Variants in CUBN observed in about 807,000 individuals in gnomAD.
CUBN encodes the protein cubilin.
CUBN carries 282 observed loss-of-function variants against 405.3 expected under a neutral mutation model. That is an observed-to-expected ratio of 0.70 (90% CI 0.63 to 0.77). The LOEUF (loss-of-function observed/expected upper bound fraction) is 0.77, where lower values mean the gene tolerates loss of function less well. CUBN is among the 30% of genes least tolerant of loss of function. CUBN has a pLI of 0.00. For missense variants in CUBN, 4,514 were observed against 4,475.2 expected (o/e 1.01, Z -0.25); for synonymous variants, 1,684 against 1,617.0 (o/e 1.04, Z -0.99).
At chr10:16,928,127 A>T in intron 41 of CUBN, 30 bp downstream of exon 41, 1 of 1,608,148 alleles carries the variant, frequency 6.2e-7, no homozygotes, top group Non-Finnish European at 8.5e-7. Context: ...ATGAGATAAC[A>T]TGGGATTAAA....
chr10:17,084,437 T>A lies in CUBN; in HGVS notation c.2135A>T (p.Tyr712Phe), dbSNP rs368341016. The change falls in exon 17 of 67, where the codon TAC becomes TTC. Residue 712 changes from tyrosine to phenylalanine, a missense_variant. Physicochemically the swap from Tyr to Phe is conservative, Grantham distance 22. Transcript: ENST00000377833. Reference protein sequence around the residue: ...SPSDLRCGGNYTDPEGELFLP... With the variant: ...SPSDLRCGGNFTDPEGELFLP... ...GAAGAGTTCACCCTCTGGGTCCGTG[T>A]AGTTCCCACCACAACGCAGATCCGC... The A allele has an allele frequency of 1.1e-5, 18 of 1,613,676 alleles. No individual in the cohort carries two copies. Among genetic ancestry groups the A allele is most frequent in the Non-Finnish European group, 1.4e-5 (17 of 1,179,926 alleles).
rs1002281566 is a variant in CUBN at position 16,955,827 on chromosome 10, C to T, written c.4696-1279G>A. Among the ~76,000 whole-genome samples, 8 of 152,126 alleles carry T rather than the reference C, an allele frequency of 5.3e-5. No homozygotes were observed. The East Asian group carries it at 1.4e-3, about 26-fold the overall frequency. ...ACAATTCCTAAGAGGGAGCAGGTCA[C>T]GTTGAATCAGACCACTAGATTCCAG... On this transcript the variant is annotated intron_variant, in intron 31 of 66. Transcript: ENST00000377833.
intron 28 of CUBN, among the ~76,000 whole-genome samples, chr10:16,995,428 A>G (rs1372568021): frequency 6.6e-6 from 1 of 152,230 alleles, no homozygotes; most frequent in Non-Finnish European, 1.5e-5. Flanking sequence ...GAAACAATCC[A>G]AAGTTTTTAG....
intron 33 of CUBN, among the ~76,000 whole-genome samples, chr10:16,951,805 C>T (rs991359375): frequency 2.6e-5 from 4 of 152,150 alleles, no homozygotes; most frequent in Admixed American, 2.0e-4. Flanking sequence ...TGGATAGGTG[C>T]GCGCATTGCA....
intron 27 of CUBN, among the ~76,000 whole-genome samples, chr10:17,034,661 C>A (rs80106499): frequency 0.011 from 1,655 of 152,186 alleles, 13 homozygotes; most frequent in Non-Finnish European, 0.017. Flanking sequence ...TGGAATGCAG[C>A]CAGATTTGGT....
Position 16,907,668 on chromosome 10 carries a change from G to C in CUBN, c.7545C>G (p.Gly2515=). 1 of 1,612,002 alleles carries C rather than the reference G, an allele frequency of 6.2e-7. No homozygotes were observed. Among genetic ancestry groups the C allele is most frequent in the Non-Finnish European group, 8.5e-7 (1 of 1,179,816 alleles). ...CNNEHVIVFN[G]IRSNSPQLEK... The stretch of plus-strand genomic sequence containing the variant: ...CTAGCTGGGGTGAGTTACTTCTAAT[G>C]CCATTGAATACCTGTTGGAAAAAGA... Residue 2515 remains glycine (G), a synonymous_variant, in exon 49 of 67, where the codon GGC becomes GGG. Coordinates refer to ENST00000377833, the MANE Select transcript of CUBN (RefSeq NM_001081.4).
chr10:16,865,780 G>C (rs1438531983), intron 59 of CUBN, among the ~76,000 whole-genome samples: 1 of 152,110 alleles, frequency 6.6e-6, no homozygotes, highest in Admixed American at 6.5e-5. Context: ...GCCAGCAGCC[G>C]CAACCTGCTC....
At chr10:16,959,880 C>G (rs889437300) in intron 31 of CUBN, among the ~76,000 whole-genome samples, 2 of 152,110 alleles carry the variant, frequency 1.3e-5, no homozygotes, top group South Asian at 4.1e-4. Context: ...AGTCTACTGC[C>G]AAGAGTTTGC....
chr10:16,857,696 G>A (rs1226767514), intron 59 of CUBN, among the ~76,000 whole-genome samples: 1 of 152,154 alleles, frequency 6.6e-6, no homozygotes, highest in Non-Finnish European at 1.5e-5. Flanking sequence ...AAAACCATCT[G>A]CAAAAACCTA....
chr10:16,924,412 G>A (rs1442004370), intron 43 of CUBN, among the ~76,000 whole-genome samples: 2 of 148,138 alleles, frequency 1.4e-5, no homozygotes, highest in Non-Finnish European at 3.0e-5. Context: ...TGTGTCAGTT[G>A]GTGAAGACTC....
At chr10:16,916,626 T>C (rs1841891703) in intron 45 of CUBN, among the ~76,000 whole-genome samples, 1 of 152,186 alleles carries the variant, frequency 6.6e-6, no homozygotes, top group Non-Finnish European at 1.5e-5. Flanking sequence ...TAGTTAAACA[T>C]TGTTACCACT....
intron 53 of CUBN, among the ~76,000 whole-genome samples, chr10:16,899,393 T>G (rs1841290756): frequency 1.3e-5 from 2 of 152,192 alleles, no homozygotes; most frequent in Non-Finnish European, 2.9e-5. Flanking sequence ...TACAGTTGTG[T>G]TACAATGATA....
chr10:17,034,293 G>C (rs1341069438), intron 27 of CUBN, among the ~76,000 whole-genome samples: 4 of 152,188 alleles, frequency 2.6e-5, no homozygotes, highest in African/African-American at 9.7e-5. Context: ...AAGTGAATCT[G>C]ACATTTTTAA....
chr10:16,832,065 A>G (rs1839017631), intron 64 of CUBN, among the ~76,000 whole-genome samples: 1 of 152,182 alleles, frequency 6.6e-6, no homozygotes, highest in Non-Finnish European at 1.5e-5. Context: ...ATTTTTGAGT[A>G]GACACATATA....
intron 27 of CUBN, among the ~76,000 whole-genome samples, chr10:17,035,640 T>C (rs1303286386): frequency 1.3e-5 from 2 of 152,154 alleles, no homozygotes; most frequent in Non-Finnish European, 2.9e-5. Flanking sequence ...ATGGTTAATG[T>C]TTTCAACGCA....
At chr10:16,955,374 C>CAA (rs59365817) in intron 31 of CUBN, among the ~76,000 whole-genome samples, 32 of 68,788 alleles carry the variant, frequency 4.7e-4, no homozygotes, top group South Asian at 7.7e-4. Context: ...GATTCTGTCT[C>CAA]AAAAAAAAAA....
intron 27 of CUBN, among the ~76,000 whole-genome samples, chr10:17,030,390 A>T (rs745681150): frequency 1.3e-4 from 20 of 151,694 alleles, no homozygotes; most frequent in Non-Finnish European, 2.1e-4. Flanking sequence ...AATCCATGAG[A>T]CTATGTTTAT....
chr10:16,885,230 T>C (rs1332903582), intron 56 of CUBN, among the ~76,000 whole-genome samples: 3 of 152,198 alleles, frequency 2.0e-5, no homozygotes, highest in Non-Finnish European at 2.9e-5. Flanking sequence ...ATCATCATAA[T>C]TAGATGAATC....
At chr10:17,023,202 G>T (rs1834548415) in intron 27 of CUBN, among the ~76,000 whole-genome samples, 1 of 151,878 alleles carries the variant, frequency 6.6e-6, no homozygotes, top group African/African-American at 2.4e-5. Flanking sequence ...ACTGGGTGGG[G>T]GTGGAGGGGC....
Sources: allele counts gnomAD v4.1 joint callset (sites outside exome capture counted in the v4.1 genomes callset), GRCh38; gene constraint gnomAD v4.1.1; transcripts MANE v1.5; gene names NCBI Gene and HGNC (gene_info 2026-07-23, HGNC 2026-07-21).